ITGBL1: variants seen among roughly 807,000 people sequenced by gnomAD.
ITGBL1 encodes the protein integrin beta-like protein 1.
ITGBL1 carries 51 observed loss-of-function variants against 68.5 expected under a neutral mutation model. That is an observed-to-expected ratio of 0.74 (90% CI 0.59 to 0.94). ITGBL1 has a LOEUF of 0.94. Ranked by LOEUF, ITGBL1 falls within the 40% of genes least tolerant of loss-of-function variation. The pLI, the probability that ITGBL1 is intolerant of heterozygous loss-of-function variation, is 0.00. For synonymous variants in ITGBL1, 209 were observed against 227.3 expected, an observed-to-expected ratio of 0.92 and a Z score of 0.72; for missense variants, 649 against 647.4, an observed-to-expected ratio of 1.00 and a Z score of -0.03.
At chr13:101,659,320 C>T (rs1423624973) in intron 7 of ITGBL1, among the ~76,000 whole-genome samples, 2 of 152,024 alleles carry the variant, frequency 1.3e-5, no homozygotes, top group Non-Finnish European at 2.9e-5. Flanking sequence ...TATGAGTAAA[C>T]AATGAGATAT....
chr13:101,461,950 A>G (rs150996034), intron 2 of ITGBL1, among the ~76,000 whole-genome samples: 1 of 152,232 alleles, frequency 6.6e-6, no homozygotes, highest in Non-Finnish European at 1.5e-5. Flanking sequence ...AGGTGTTGAT[A>G]GCCTCTGTTC....
At chr13:101,505,651 C>T (rs980981248) in intron 2 of ITGBL1, among the ~76,000 whole-genome samples, 1 of 152,184 alleles carries the variant, frequency 6.6e-6, no homozygotes, top group African/African-American at 2.4e-5. Flanking sequence ...GACAAGACAG[C>T]ATTGTGAAGA....
chr13:101,465,028 A>G (rs2048365219), intron 2 of ITGBL1, among the ~76,000 whole-genome samples: 1 of 152,224 alleles, frequency 6.6e-6, no homozygotes, highest in South Asian at 2.1e-4. Context: ...ACAATGACGT[A>G]TCATTTGGGT....
intron 7 of ITGBL1, among the ~76,000 whole-genome samples, chr13:101,652,089 T>A (rs1015968296): frequency 3.3e-5 from 5 of 150,552 alleles, no homozygotes; most frequent in African/African-American, 4.8e-5. Flanking sequence ...TTAAAAAAAA[T>A]TATTTATTTA....
intron 2 of ITGBL1, among the ~76,000 whole-genome samples, chr13:101,479,198 T>A (rs1000888105): frequency 7.2e-5 from 11 of 152,074 alleles, no homozygotes; most frequent in African/African-American, 2.6e-4. Context: ...GCCAAGAACA[T>A]ACATTGAGGA....
rs55676814 is a variant in ITGBL1, at chr13:101,553,031, A to AT, written c.317-14661dup. 2.3e-3 allele frequency among the ~76,000 whole-genome samples: 355 copies of AT among 152,216 alleles called. 1 individual carries two copies. The highest frequency in any genetic ancestry group is 4.2e-3 in the Non-Finnish European group (284 of 68,024). ...ATGTTGTTAGTAGGAGAGGACTGAC[A>AT]TTTTTTTCAGACAAAGAAAGTGGTC... On this transcript the variant is annotated intron_variant, in intron 2 of 10. Transcript: ENST00000376180.
chr13:101,549,342 G>A (rs2049881483), intron 2 of ITGBL1, among the ~76,000 whole-genome samples: 1 of 151,744 alleles, frequency 6.6e-6, no homozygotes, highest in Admixed American at 6.6e-5. Context: ...CAAGAAGAAA[G>A]CATAAGAGAA....
intron 2 of ITGBL1, among the ~76,000 whole-genome samples, chr13:101,562,738 A>G (rs577001044): frequency 3.9e-5 from 6 of 152,116 alleles, no homozygotes; most frequent in Non-Finnish European, 8.8e-5. Context: ...CTCCTTTCTC[A>G]TAGTCGACAG....
intron 7 of ITGBL1, among the ~76,000 whole-genome samples, chr13:101,612,745 A>G (rs1231903245): frequency 6.6e-6 from 1 of 152,118 alleles, no homozygotes; most frequent in Non-Finnish European, 1.5e-5. Flanking sequence ...TGACCACACA[A>G]GGGTATGACA....
chr13:101,635,137 A>G (rs1167980718), intron 7 of ITGBL1, among the ~76,000 whole-genome samples: 4 of 152,082 alleles, frequency 2.6e-5, no homozygotes, highest in African/African-American at 9.7e-5. Flanking sequence ...AAGGTTTCGT[A>G]TCATTCATAC....
chr13:101,684,524 G>A (rs138169769), intron 7 of ITGBL1, among the ~76,000 whole-genome samples: 1 of 151,882 alleles, frequency 6.6e-6, no homozygotes, highest in East Asian at 1.9e-4. Flanking sequence ...TGTCTATGCT[G>A]CATATACATA....
In ITGBL1 at chr13:101,692,629, C is replaced by T. The variant is rs745378521; in HGVS notation, c.1060C>T (p.Arg354Cys). Residue 354 changes from arginine (R) to cysteine (C), a missense_variant, in exon 8 of 11, where the codon CGC becomes TGC. Coordinates refer to ENST00000376180, the MANE Select transcript of ITGBL1 (RefSeq NM_004791.3). The stretch of plus-strand genomic sequence containing the variant: ...ATGCACCTGCTATCCTCCAGGAGAT[C>T]GCCGGGTGTATGGCAAGACTTGTGA... ...GKCTCYPPGDRRVYGKTCECD... is the reference protein window; with the variant it reads ...GKCTCYPPGDCRVYGKTCECD... 8.1e-6 allele frequency: 13 copies of T among 1,613,784 alleles called. No homozygotes were observed. Among genetic ancestry groups the T allele is most frequent in the East Asian group, 4.5e-5 (2 of 44,864 alleles).
intron 7 of ITGBL1, among the ~76,000 whole-genome samples, chr13:101,608,131 C>G (rs1010598433): frequency 6.6e-5 from 10 of 151,978 alleles, no homozygotes; most frequent in Non-Finnish European, 1.5e-4. Flanking sequence ...ATTGTAACTT[C>G]TAGAAAATAG....
chr13:101,692,113 A>C (rs571557214), intron 7 of ITGBL1, among the ~76,000 whole-genome samples: 1 of 152,364 alleles, frequency 6.6e-6, no homozygotes, highest in South Asian at 2.1e-4. Flanking sequence ...GACTACAAAT[A>C]GTCACTAAAA....
intron 2 of ITGBL1, among the ~76,000 whole-genome samples, chr13:101,556,989 A>G (rs2050017532): frequency 6.6e-6 from 1 of 152,192 alleles, no homozygotes; most frequent in Non-Finnish European, 1.5e-5. Context: ...CAAGTCATAC[A>G]AGCAGAATTT....
At chr13:101,692,887 A>G (rs2033914701) in intron 8 of ITGBL1, 186 bp downstream of exon 8, 2 of 573,206 alleles carry the variant, frequency 3.5e-6, no homozygotes, top group South Asian at 2.2e-5. Flanking sequence ...TGAACTCTTT[A>G]TTTAGCAGGT....
intron 7 of ITGBL1, among the ~76,000 whole-genome samples, chr13:101,601,417 T>A (rs574338655): frequency 5.1e-4 from 77 of 152,300 alleles, no homozygotes; most frequent in African/African-American, 1.7e-3. Flanking sequence ...TTGAAGGGTT[T>A]TTTGTGTCTC....
intron 7 of ITGBL1, among the ~76,000 whole-genome samples, chr13:101,634,771 G>A (rs6491638): frequency 2.0e-5 from 3 of 151,862 alleles, no homozygotes; most frequent in African/African-American, 7.3e-5. Flanking sequence ...TTTAAAATCA[G>A]AAGTGCAATG....
At chr13:101,632,473 A>C (rs1365292297) in intron 7 of ITGBL1, among the ~76,000 whole-genome samples, 1 of 152,200 alleles carries the variant, frequency 6.6e-6, no homozygotes, top group East Asian at 1.9e-4. Flanking sequence ...AAAATGGAAC[A>C]CCTGCTTTGG....
Sources: allele counts gnomAD v4.1 joint callset (sites outside exome capture counted in the v4.1 genomes callset), GRCh38; gene constraint gnomAD v4.1.1; transcripts MANE v1.5; gene names NCBI Gene and HGNC (gene_info 2026-07-23, HGNC 2026-07-21).